MCM2: variants seen among roughly 807,000 people sequenced by gnomAD.
MCM2 encodes minichromosome maintenance complex component 2, also known as DNA replication licensing factor MCM2.
A neutral mutation model predicts 86.4 loss-of-function variants in MCM2; 49 were observed. The ratio of observed to expected loss-of-function variants is 0.57; its 90% CI spans 0.45 to 0.72. The LOEUF is 0.72. Ranked by LOEUF, MCM2 falls within the 30% of genes least tolerant of loss-of-function variation. The probability of loss-of-function intolerance (pLI) is 0.00; values close to 1 mark genes in which losing one functional copy is unlikely to be tolerated. For missense variants in MCM2, 1,038 were observed against 1,259.9 expected, an observed-to-expected ratio of 0.82 and a Z score of 2.67; for synonymous variants, 475 against 484.6, an observed-to-expected ratio of 0.98 and a Z score of 0.26.
chr3:127,614,898 T>C (rs113625888), intron 8 of MCM2, among the ~76,000 whole-genome samples: 52 of 152,326 alleles, frequency 3.4e-4, no homozygotes, highest in African/African-American at 1.2e-3. Context: ...CAGGCTTCTC[T>C]TGTACATTTC....
Position 127,620,808 on chromosome 3 carries a change from C to A in MCM2, c.2376C>A (p.Asn792Lys), listed in dbSNP as rs1408501887. 6.2e-7 allele frequency: 1 copy of A among 1,614,098 alleles called. No homozygotes were observed. Among genetic ancestry groups the A allele is most frequent in the Non-Finnish European group, 8.5e-7 (1 of 1,179,960 alleles). Residue 792 changes from asparagine (N) to lysine (K), a missense_variant, in exon 14 of 16, where the codon AAC becomes AAA. Coordinates refer to ENST00000265056, the MANE Select transcript of MCM2 (RefSeq NM_004526.4). The stretch of plus-strand genomic sequence containing the variant: ...ACTATGTGATCGAAGACGACGTCAA[C>A]ATGGCCATCCGCGTGATGCTGGAGA... ...LRDYVIEDDV[N>K]MAIRVMLESF...
At chr3:127,611,033 A>T (rs1559864468) in intron 8 of MCM2, 4 of 446,884 alleles carry the variant, frequency 9.0e-6, no homozygotes, top group Non-Finnish European at 1.8e-5. Flanking sequence ...ATATTTTACT[A>T]GGGTTCCCAA....
chr3:127,617,631 C>A lies in MCM2; in HGVS notation c.1900+226C>A. On this transcript the variant is annotated intron_variant, in intron 11 of 15. Transcript: ENST00000265056. This position sits in a 1 kb window ranked among gnomAD's most constrained non-coding sequence, Gnocchi z 4.1. The stretch of plus-strand genomic sequence containing the variant: ...TGTTCCTGGAATCACCTTGGATGTT[C>A]TCAGAAGGCATGGGAGGAGAGCCCA... 1.6e-6 allele frequency: 1 copy of A among 629,626 alleles called. No individual in the cohort carries two copies. The highest frequency in any genetic ancestry group is 2.7e-6 in the Non-Finnish European group (1 of 366,814). 39.0% of individuals were successfully genotyped at this position (629,626 alleles called of 1,614,324 possible).
At position 127,617,946 on chromosome 3, in the gene MCM2, G is replaced by T; in HGVS notation, c.1901-23G>T. 1 of 1,589,466 alleles carries T rather than the reference G, an allele frequency of 6.3e-7. No homozygotes were observed. Among genetic ancestry groups the T allele is most frequent in the East Asian group, 2.2e-5 (1 of 44,642 alleles). ...GGAGGATAGGGGAATCCACCCTGAT[G>T]GAGGTGCTCCCCTGTGTTTCAGGAG... On this transcript the variant is annotated intron_variant, in intron 11 of 15. Coordinates refer to ENST00000265056, the MANE Select transcript of MCM2 (RefSeq NM_004526.4). The surrounding 1 kb of genome is among the most constrained non-coding windows in gnomAD (Gnocchi z 4.1).
In MCM2 at chr3:127,605,154, A is replaced by G. The variant is rs1286424750; in HGVS notation, c.671A>G (p.Lys224Arg). 6.2e-7 allele frequency: 1 copy of G among 1,612,550 alleles called. No homozygotes were observed. The highest frequency in any genetic ancestry group is 1.7e-5 in the Admixed American group (1 of 60,004). ...AAGGAGCGCATCAGCGACATGTGCAAAGGTGTGGCTTCCCTACGCCCCCGC... is the reference window on the plus strand; with the variant it reads ...AAGGAGCGCATCAGCGACATGTGCAGAGGTGTGGCTTCCCTACGCCCCCGC... ...VFKERISDMC[K>R]ENRESLVVNY... Residue 224 changes from lysine to arginine, a missense_variant and splice_region_variant, in exon 4 of 16, where the codon AAA becomes AGA. This residue lies in a region of MCM2 where 399 missense variants were observed against 507.2 expected (regional missense o/e 0.79). Coordinates refer to ENST00000265056, the MANE Select transcript of MCM2 (RefSeq NM_004526.4).
intron 7 of MCM2, 99 bp downstream of exon 7, chr3:127,608,615 C>T: frequency 6.7e-7 from 1 of 1,490,990 alleles, no homozygotes; most frequent in South Asian, 1.2e-5. Context: ...GTCGCAGGGG[C>T]ACTCGGGCTA....
chr3:127,620,884 G>A lies in MCM2; in HGVS notation c.2448+4G>A. ...CGTCATGCGCAGCATGCGCAAGGTGGGTGTGCTCCGAGGTAGGGGCCTGAT... is the reference window on the plus strand; with the variant it reads ...CGTCATGCGCAGCATGCGCAAGGTGAGTGTGCTCCGAGGTAGGGGCCTGAT... On this transcript the variant is annotated splice_donor_region_variant and intron_variant, in intron 14 of 15. Coordinates refer to ENST00000265056, the MANE Select transcript of MCM2 (RefSeq NM_004526.4). The A allele has an allele frequency of 6.3e-7, 1 of 1,598,234 alleles. No homozygotes were observed. The highest frequency in any genetic ancestry group is 8.6e-7 in the Non-Finnish European group (1 of 1,169,390).
chr3:127,619,553 C>G (rs538471768), intron 13 of MCM2, among the ~76,000 whole-genome samples: 76 of 152,200 alleles, frequency 5.0e-4, no homozygotes, highest in African/African-American at 1.8e-3. Flanking sequence ...GTGGCACATG[C>G]CTGTAATCCC....
intron 2 of MCM2, among the ~76,000 whole-genome samples, chr3:127,602,254 C>T (rs769627099): frequency 2.0e-5 from 3 of 151,250 alleles, no homozygotes; most frequent in Non-Finnish European, 4.4e-5. Context: ...GGACCGATAC[C>T]TTTTCCCCGA....
chr3:127,615,999 CT>C, intron 9 of MCM2, 44 bp downstream of exon 9: 1 of 1,441,990 alleles, frequency 6.9e-7, no homozygotes, highest in Non-Finnish European at 9.8e-7. Flanking sequence ...GCAGCTTTCT[CT>C]TTGGGGAGCC....
At position 127,619,181 on chromosome 3, in the gene MCM2, A is replaced by G. The variant is rs760882861; in HGVS notation, c.2168A>G (p.Tyr723Cys). Residue 723 changes from tyrosine to cysteine, a missense_variant, in exon 13 of 16, where the codon TAC becomes TGC. Physicochemically the swap from Tyr to Cys is radical, Grantham distance 194 (BLOSUM62 -2). Transcript: ENST00000265056. The stretch of plus-strand genomic sequence containing the variant: ...CTGCCCCAGGAGGTCCTGAAGAAGT[A>G]CATCATCTACGCCAAGGAGAGGGTC... ...EPLPQEVLKK[Y>C]IIYAKERVHP... 1.9e-6 allele frequency: 3 copies of G among 1,614,072 alleles called. No individual in the cohort carries two copies. The highest frequency in any genetic ancestry group is 2.5e-6 in the Non-Finnish European group (3 of 1,180,062).
rs901429920 is a variant in MCM2, at chr3:127,621,007, G to A, written c.2449-66G>A. ...GCCTGTCTGACCTGGGTGCTGGCAC[G>A]TAGGGTAAAGGGAGTGTGGCAGGCG... On this transcript the variant is annotated intron_variant, in intron 14 of 15. Transcript: ENST00000265056. 56 of 1,592,340 alleles carry A rather than the reference G, an allele frequency of 3.5e-5. No homozygotes were observed. In the Admixed American group the frequency reaches 5.2e-4, roughly 15 times the overall value.
At chr3:127,601,355 GTTTT>G (rs2074305308) in intron 2 of MCM2, among the ~76,000 whole-genome samples, 1 of 151,858 alleles carries the variant, frequency 6.6e-6, no homozygotes, top group Admixed American at 6.6e-5. Flanking sequence ...TACAGGTCGT[GTTTT>G]TTTGTTTGTT....
rs971316041 is a variant in MCM2 at position 127,606,444 on chromosome 3, A to G, written c.893+107A>G. On this transcript the variant is annotated intron_variant, in intron 5 of 15. Transcript: ENST00000265056. This position sits in a 1 kb window ranked among gnomAD's most constrained non-coding sequence, Gnocchi z 4.2. Reference sequence around the variant, plus strand: ...TGTGGGCGGGGAGGGTGCAGCCAGCAGCATCCTCATCGCAGGTGAGTTGTG... The same window carrying G: ...TGTGGGCGGGGAGGGTGCAGCCAGCGGCATCCTCATCGCAGGTGAGTTGTG... The G allele has an allele frequency of 4.0e-6, 5 of 1,243,756 alleles. No homozygotes were observed. The highest frequency in any genetic ancestry group is 2.3e-6 in the Non-Finnish European group (2 of 876,264). 77.0% of individuals were successfully genotyped at this position (1,243,756 alleles called of 1,614,324 possible). A position where few individuals can be genotyped will look rare whatever the true frequency, so the allele number is the denominator to read the frequency against.
At chr3:127,605,808 GTGTT>G (rs1416346537) in intron 4 of MCM2, among the ~76,000 whole-genome samples, 2 of 152,100 alleles carry the variant, frequency 1.3e-5, no homozygotes, top group Non-Finnish European at 2.9e-5. Flanking sequence ...TTTTTGTCCT[GTGTT>G]TGTCAGTTTC....
chr3:127,601,882 T>C (rs2074308663), intron 2 of MCM2, among the ~76,000 whole-genome samples: 1 of 152,214 alleles, frequency 6.6e-6, no homozygotes, highest in Non-Finnish European at 1.5e-5. Flanking sequence ...AGGTGTGAAG[T>C]GGCATCTCAT....
In MCM2 at chr3:127,612,304, T is replaced by A. The variant is rs531334524; in HGVS notation, c.1428+3281T>A. Among the ~76,000 whole-genome samples, 10 of 152,296 alleles carry A rather than the reference T, an allele frequency of 6.6e-5. No homozygotes were observed. The East Asian group carries it at 1.9e-3, about 29-fold the overall frequency. On this transcript the variant is annotated intron_variant, in intron 8 of 15. Coordinates refer to ENST00000265056, the MANE Select transcript of MCM2 (RefSeq NM_004526.4). ...CAGGGTCATGCCCAACACTTAGAGA[T>A]TTTAAAGAACTAACAGAAGCAGCAT...
chr3:127,605,218 A>G, intron 4 of MCM2, 62 bp downstream of exon 4: 2 of 1,577,134 alleles, frequency 1.3e-6, no homozygotes, highest in East Asian at 2.3e-5. Context: ...CTCCCCAGAA[A>G]GTTGTCTGAG....
Position 127,606,637 on chromosome 3 carries a change from C to T in MCM2, c.921C>T (p.Arg307=), listed in dbSNP as rs1393083690. The T allele has an allele frequency of 1.8e-5, 29 of 1,614,024 alleles. No individual in the cohort carries two copies. The highest frequency in any genetic ancestry group is 2.5e-5 in the Non-Finnish European group (29 of 1,180,050). Residue 307 remains arginine (R), a synonymous_variant, in exon 6 of 16, where the codon CGC becomes CGT. Coordinates refer to ENST00000265056, the MANE Select transcript of MCM2 (RefSeq NM_004526.4). This position sits in a 1 kb window ranked among gnomAD's most constrained non-coding sequence, Gnocchi z 4.2. The part of the protein sequence containing the change: ...LRQLHLNQLI[R]TSGVVTSCTG... ...AGCTGCATCTGAACCAGCTGATCCG[C>T]ACCAGTGGGGTGGTGACCAGCTGCA...
Sources: gnomAD v4.1 joint callset for allele counts (sites outside exome capture counted in the v4.1 genomes callset) on GRCh38, gnomAD v4.1.1 for gene constraint, gnomAD v4.1.1 regional missense constraint, Gnocchi (gnomAD v3.1) non-coding constraint, MANE v1.5 for transcripts, NCBI Gene and HGNC (gene_info 2026-07-23, HGNC 2026-07-21) for gene names.